PCGF3: variants seen among roughly 807,000 people sequenced by gnomAD.
PCGF3 encodes the protein polycomb group ring finger 3.
Under a neutral mutation model 33.1 loss-of-function variants are expected in PCGF3, and 7 were observed. The ratio of observed to expected loss-of-function variants is 0.21; its 90% CI spans 0.12 to 0.40. PCGF3 has a LOEUF of 0.40. PCGF3 is among the 10% of genes least tolerant of loss of function. The probability of loss-of-function intolerance (pLI) is 1.00; values close to 1 mark genes in which losing one functional copy is unlikely to be tolerated. For synonymous variants in PCGF3, 153 were observed against 121.3 expected (o/e 1.26, Z -1.72); for missense variants, 211 against 313.3 (o/e 0.67, Z 2.46).
intron 8 of PCGF3, among the ~76,000 whole-genome samples, chr4:748,918 T>C (rs10213367): frequency 0.024 from 3,691 of 152,242 alleles, 136 homozygotes; most frequent in African/African-American, 0.083. Flanking sequence ...TGGGGTCTGC[T>C]GGGTGGGCTG....
intron 4 of PCGF3, chr4:734,559 AGTT>A (rs1224758825): frequency 8.6e-7 from 1 of 1,164,974 alleles, no homozygotes; most frequent in African/African-American, 1.6e-5. Flanking sequence ...GATTTTATCT[AGTT>A]GTACGTAGAA....
At chr4:767,961 G>C (rs145746716) in exon 11 of PCGF3, 1 of 152,528 alleles carries the variant, frequency 6.6e-6, no homozygotes, top group Non-Finnish European at 1.5e-5. Context: ...CCTGTGTGGC[G>C]GAATAAGAAA....
chr4:740,666 G>A (rs1577421018), intron 6 of PCGF3, among the ~76,000 whole-genome samples: 1 of 152,302 alleles, frequency 6.6e-6, no homozygotes, highest in East Asian at 1.9e-4. Flanking sequence ...GAGGCAGGAG[G>A]ATCCCATGAG....
intron 1 of PCGF3, among the ~76,000 whole-genome samples, chr4:707,503 C>G (rs1161090342): frequency 3.7e-5 from 3 of 81,570 alleles, no homozygotes; most frequent in Admixed American, 2.3e-4. Flanking sequence ...CTGGGACAGC[C>G]TGTTTTCACC....
At chr4:770,079 G>C (rs1008413698) in exon 11 of PCGF3, 3 of 152,602 alleles carry the variant, frequency 2.0e-5, no homozygotes, top group East Asian at 1.9e-4. Context: ...AAAAGCAAAA[G>C]AAAAGCTTAA....
At chr4:744,322 C>T (rs1333809878) in intron 7 of PCGF3, among the ~76,000 whole-genome samples, 2 of 152,250 alleles carry the variant, frequency 1.3e-5, no homozygotes, top group Admixed American at 1.3e-4. Flanking sequence ...GTGGCCAGTG[C>T]GGAGCGTGTC....
chr4:728,512 G>C (rs1313967062), intron 1 of PCGF3, among the ~76,000 whole-genome samples: 2 of 152,230 alleles, frequency 1.3e-5, no homozygotes, highest in African/African-American at 2.4e-5. Context: ...CTTCTGTGCA[G>C]ACTCGACACC....
In PCGF3 at chr4:744,691, G is replaced by T. The variant is rs1409610929; in HGVS notation, c.462+3G>T. The T allele has an allele frequency of 6.5e-7, 1 of 1,538,320 alleles. No homozygotes were observed. The highest frequency in any genetic ancestry group is 8.8e-7 in the Non-Finnish European group (1 of 1,139,684). ...ACTACCACCGCAGCGACGAGCAGGT[G>T]GGCGGGGCCCGGGGGTCGCTGCAGT... is the stretch of plus-strand genomic sequence containing the variant. On this transcript the variant is annotated splice_donor_region_variant and intron_variant, in intron 8 of 10. Coordinates refer to ENST00000362003, the Ensembl canonical transcript of PCGF3.
chr4:707,964 GACA>G, intron 1 of PCGF3, among the ~76,000 whole-genome samples: 1 of 127,322 alleles, frequency 7.9e-6, no homozygotes. Flanking sequence ...GGGACCCTGG[GACA>G]GCCCTGTTTT....
chr4:744,488 C>G (rs971362747), intron 7 of PCGF3, 112 bp from the exon 8 acceptor site: 5 of 790,610 alleles, frequency 6.3e-6, no homozygotes, highest in Non-Finnish European at 1.0e-5. Flanking sequence ...TCCGGGGGTC[C>G]AGAGTCTCTT....
intron 9 of PCGF3, among the ~76,000 whole-genome samples, chr4:763,621 G>A (rs1168567469): frequency 3.3e-5 from 5 of 152,220 alleles, no homozygotes; most frequent in Non-Finnish European, 7.3e-5. Context: ...TGTGGGAAGT[G>A]GAACCCGCAG....
At chr4:737,520 A>T (rs763679381) in exon 6 of PCGF3, 14 of 1,596,990 alleles carry the variant, frequency 8.8e-6, no homozygotes, top group Non-Finnish European at 1.2e-5. Flanking sequence ...GCCTCCAAGA[A>T]GGTGAGTGTC....
intron 8 of PCGF3, chr4:757,609 G>A (rs1744825453): frequency 6.6e-6 from 1 of 152,290 alleles, no homozygotes; most frequent in Non-Finnish European, 1.5e-5. Flanking sequence ...CGTAGAGCTA[G>A]GTTTTTTAAA....
At chr4:730,142 C>A (rs528193370) in intron 1 of PCGF3, among the ~76,000 whole-genome samples, 127 of 152,264 alleles carry the variant, frequency 8.3e-4, no homozygotes, top group African/African-American at 2.9e-3. Context: ...TGGTGCACGT[C>A]TGGTAGGCGC....
chr4:760,350 C>G (rs975251593), intron 8 of PCGF3, among the ~76,000 whole-genome samples: 5 of 143,654 alleles, frequency 3.5e-5, no homozygotes, highest in Non-Finnish European at 6.0e-5. Flanking sequence ...TATCTCTACT[C>G]CTGATGGGTA....
chr4:740,664 A>AG (rs1281413639), intron 6 of PCGF3, among the ~76,000 whole-genome samples: 5 of 152,212 alleles, frequency 3.3e-5, no homozygotes, highest in Non-Finnish European at 5.9e-5. Context: ...CCGAGGCAGG[A>AG]GGATCCCATG....
chr4:729,559 C>T lies in PCGF3; in HGVS notation c.-189-1071C>T, dbSNP rs77607705. ...AAGCCCCCAGTGTTGCAGAATATTC[C>T]GGAAGCCTGGCTTTGAGCCTGGCTT... is the stretch of plus-strand genomic sequence containing the variant. On this transcript the variant is annotated intron_variant, in intron 1 of 10. Transcript: ENST00000362003. Among the ~76,000 whole-genome samples the T allele has an allele frequency of 2.3e-3, 356 of 152,306 alleles. 1 individual carries two copies. Among genetic ancestry groups the T allele is most frequent in the African/African-American group, 7.9e-3 (328 of 41,572 alleles).
intron 3 of PCGF3, chr4:732,404 C>T (rs1743632858): frequency 6.4e-6 from 1 of 156,092 alleles, no homozygotes; most frequent in Non-Finnish European, 1.4e-5. Flanking sequence ...GGGCAGGCTC[C>T]CGTGTCCTCA....
intron 1 of PCGF3, among the ~76,000 whole-genome samples, chr4:716,128 T>A (rs187268153): frequency 1.4e-4 from 11 of 76,676 alleles, no homozygotes; most frequent in Non-Finnish European, 2.3e-4. Flanking sequence ...GAGAACTGGG[T>A]GTCAGTGCTG....
Sources: gnomAD v4.1 joint callset for allele counts (sites outside exome capture counted in the v4.1 genomes callset) on GRCh38, gnomAD v4.1.1 for gene constraint, MANE v1.5 for transcripts, NCBI Gene and HGNC (gene_info 2026-07-23, HGNC 2026-07-21) for gene names.